CCDC141: variants seen among roughly 807,000 people sequenced by gnomAD.
CCDC141 encodes coiled-coil domain containing 141.
In CCDC141, 168 loss-of-function variants were observed where a neutral mutation model predicts 181.0. That is an observed-to-expected ratio of 0.93 (90% CI 0.82 to 1.05). CCDC141 has a LOEUF of 1.05. Ranked by LOEUF, CCDC141 falls within the 50% of genes least tolerant of loss-of-function variation. The pLI, the probability that CCDC141 is intolerant of heterozygous loss-of-function variation, is 0.00. For missense variants in CCDC141, 1,902 were observed against 1,788.5 expected (o/e 1.06, Z -1.14); for synonymous variants, 666 against 642.3 (o/e 1.04, Z -0.56).
At chr2:178,947,267 T>A (rs980714674) in intron 5 of CCDC141, among the ~76,000 whole-genome samples, 1 of 152,160 alleles carries the variant, frequency 6.6e-6, no homozygotes, top group Non-Finnish European at 1.5e-5. Flanking sequence ...TCAGCTGCTG[T>A]CCAGAAGCCT....
At chr2:178,998,656 AT>A (rs917761202) in intron 2 of CCDC141, among the ~76,000 whole-genome samples, 16 of 151,494 alleles carry the variant, frequency 1.1e-4, no homozygotes, top group African/African-American at 3.1e-4. Context: ...GTCCATTAAA[AT>A]TTTTTTTTCT....
intron 2 of CCDC141, among the ~76,000 whole-genome samples, chr2:179,036,403 TG>T (rs2043146583): frequency 1.3e-5 from 2 of 152,220 alleles, no homozygotes; most frequent in Non-Finnish European, 2.9e-5. Flanking sequence ...TAAATCAACA[TG>T]TCTCACATCC....
At chr2:179,005,319 A>AG (rs2042092664) in intron 2 of CCDC141, among the ~76,000 whole-genome samples, 1 of 151,858 alleles carries the variant, frequency 6.6e-6, no homozygotes. Context: ...GAATTTAAAA[A>AG]AAAAGGTTTA....
rs1277685655 is a variant in CCDC141 at position 178,944,531 on chromosome 2, T to A, written c.897+4A>T. ...ATTTTTAGTGTGTCTAATATATCTCTTACCTTTGCTTTTATTATCAGTTCC... is the reference window on the plus strand; with the variant it reads ...ATTTTTAGTGTGTCTAATATATCTCATACCTTTGCTTTTATTATCAGTTCC... On this transcript the variant is annotated splice_donor_region_variant and intron_variant, in intron 6 of 23. Coordinates refer to ENST00000443758, the MANE Select transcript of CCDC141 (RefSeq NM_173648.4). The A allele has an allele frequency of 6.4e-6, 9 of 1,408,520 alleles. No individual in the cohort carries two copies. Among genetic ancestry groups the A allele is most frequent in the Non-Finnish European group, 8.7e-6 (9 of 1,035,874 alleles). 87.3% of individuals were successfully genotyped at this position (1,408,520 alleles called of 1,614,324 possible).
intron 6 of CCDC141, among the ~76,000 whole-genome samples, chr2:178,922,105 G>A (rs1053680877): frequency 5.9e-5 from 9 of 152,186 alleles, no homozygotes; most frequent in Admixed American, 2.0e-4. Flanking sequence ...TAGCCATTGC[G>A]TGCTCAGTCT....
intron 20 of CCDC141, among the ~76,000 whole-genome samples, chr2:178,852,630 G>T (rs545195959): frequency 7.2e-5 from 11 of 152,268 alleles, no homozygotes; most frequent in Non-Finnish European, 1.3e-4. Context: ...CATGTTATAA[G>T]AGAAAATACC....
At chr2:178,997,669 A>G (rs11680978) in intron 2 of CCDC141, among the ~76,000 whole-genome samples, 83,497 of 151,922 alleles carry the variant, frequency 0.55, 24,636 homozygotes, top group East Asian at 0.67. Flanking sequence ...GACCAGACCA[A>G]AATTTGCCTC....
chr2:179,040,516 T>C (rs2043267292), intron 2 of CCDC141, among the ~76,000 whole-genome samples: 2 of 152,206 alleles, frequency 1.3e-5, no homozygotes, highest in African/African-American at 4.8e-5. Context: ...GTATTCTTCC[T>C]GATGCTCTCC....
At chr2:178,980,899 G>A (rs1028610869) in intron 2 of CCDC141, among the ~76,000 whole-genome samples, 3 of 152,096 alleles carry the variant, frequency 2.0e-5, no homozygotes, top group Non-Finnish European at 4.4e-5. Flanking sequence ...AAGGTAAATG[G>A]ACAGAGAAAG....
In CCDC141 at chr2:178,842,511, C is replaced by A. The variant is rs1020332123; in HGVS notation, c.3474+3115G>T. Among the ~76,000 whole-genome samples, 4 of 152,304 alleles carry A rather than the reference C, an allele frequency of 2.6e-5. No individual in the cohort carries two copies. The East Asian group carries it at 5.8e-4, about 22-fold the overall frequency. Reference sequence around the variant, plus strand: ...AATCCCTTGCATTTAAATCATTGCCCTGTAGGCAGAAAAAATGTCTAGAAG... The same window carrying A: ...AATCCCTTGCATTTAAATCATTGCCATGTAGGCAGAAAAAATGTCTAGAAG... On this transcript the variant is annotated intron_variant, in intron 22 of 23. Transcript: ENST00000443758.
intron 13 of CCDC141, 58 bp downstream of exon 13, chr2:178,872,075 C>T (rs1686141461): frequency 1.3e-6 from 2 of 1,537,290 alleles, no homozygotes; most frequent in East Asian, 2.3e-5. Flanking sequence ...AAGGTTCGCT[C>T]ATGTTAGCCT....
At chr2:179,037,868 G>A (rs2154387588) in intron 2 of CCDC141, among the ~76,000 whole-genome samples, 1 of 152,332 alleles carries the variant, frequency 6.6e-6, no homozygotes, top group Non-Finnish European at 1.5e-5. Context: ...ACAAGTTATG[G>A]ACAAGACGTG....
intron 7 of CCDC141, among the ~76,000 whole-genome samples, chr2:178,911,896 T>C (rs567982820): frequency 7.9e-5 from 12 of 152,198 alleles, no homozygotes; most frequent in Non-Finnish European, 1.8e-4. Context: ...AGACCTGCCT[T>C]CTCAGATATG....
At chr2:178,886,034 T>C (rs902353335) in intron 10 of CCDC141, among the ~76,000 whole-genome samples, 1 of 151,896 alleles carries the variant, frequency 6.6e-6, no homozygotes, top group Non-Finnish European at 1.5e-5. Context: ...TTCTAAATAA[T>C]AAATAAAAAA....
intron 2 of CCDC141, among the ~76,000 whole-genome samples, chr2:179,025,058 C>T (rs1285858941): frequency 4.6e-5 from 7 of 151,930 alleles, no homozygotes; most frequent in Admixed American, 1.3e-4. Flanking sequence ...GCCTTCCTTC[C>T]TCTTCTCTAC....
At chr2:178,860,870 G>A (rs1685583500) in intron 17 of CCDC141, among the ~76,000 whole-genome samples, 1 of 152,076 alleles carries the variant, frequency 6.6e-6, no homozygotes, top group Admixed American at 6.5e-5. Flanking sequence ...TGCATGTTTT[G>A]TGTCTTCATA....
the CCDC141 span, among the ~76,000 whole-genome samples, chr2:178,821,809 T>A: frequency 6.6e-6 from 1 of 152,122 alleles, no homozygotes; most frequent in South Asian, 2.1e-4. Flanking sequence ...ACACTGTTGG[T>A]GGGACTGTAA....
At chr2:179,034,970 A>G (rs2043101626) in intron 2 of CCDC141, among the ~76,000 whole-genome samples, 1 of 152,228 alleles carries the variant, frequency 6.6e-6, no homozygotes, top group South Asian at 2.1e-4. Flanking sequence ...CCATTAAATT[A>G]GTCTATGGGT....
chr2:178,853,252 G>A (rs1236913191), intron 20 of CCDC141, among the ~76,000 whole-genome samples, 189 bp downstream of exon 20: 1 of 152,210 alleles, frequency 6.6e-6, no homozygotes, highest in Non-Finnish European at 1.5e-5. Context: ...TTCATCTGCT[G>A]TCAGAAATTC....
Sources: allele counts gnomAD v4.1 joint callset (sites outside exome capture counted in the v4.1 genomes callset), GRCh38; gene constraint gnomAD v4.1.1; transcripts MANE v1.5; gene names NCBI Gene and HGNC (gene_info 2026-07-23, HGNC 2026-07-21).